KCNJ6: variants seen among roughly 807,000 people sequenced by gnomAD.
KCNJ6 encodes potassium inwardly rectifying channel subfamily J member 6.
In KCNJ6, 9 loss-of-function variants were observed where a neutral mutation model predicts 34.2. That is an observed-to-expected ratio of 0.26 (90% CI 0.16 to 0.46). KCNJ6 has a LOEUF of 0.46. Among genes scored for constraint, KCNJ6 ranks in the 20% least tolerant of loss-of-function variants. KCNJ6 has a pLI of 1.00. For missense variants in KCNJ6, 236 were observed against 531.3 expected (o/e 0.44, Z 5.46); for synonymous variants, 196 against 207.1 (o/e 0.95, Z 0.46).
intron 1 of KCNJ6, among the ~76,000 whole-genome samples, chr21:37,845,714 GC>G (rs1009894726): frequency 1.3e-4 from 20 of 152,312 alleles, no homozygotes; most frequent in Middle Eastern, 6.8e-3. Flanking sequence ...TTGACCTCTA[GC>G]ATTTGTGCCA....
At chr21:37,893,019 ATTT>A (rs1340384030) in intron 1 of KCNJ6, among the ~76,000 whole-genome samples, 2 of 149,584 alleles carry the variant, frequency 1.3e-5, no homozygotes, top group African/African-American at 4.9e-5. Flanking sequence ...AGGCCAGCTA[ATTT>A]TTTTTGTATT....
At chr21:37,741,535 G>T (rs1260480738) in intron 2 of KCNJ6, among the ~76,000 whole-genome samples, 1 of 152,174 alleles carries the variant, frequency 6.6e-6, no homozygotes, top group African/African-American at 2.4e-5. Context: ...ACTCAGGGTT[G>T]TGATGGCTCT....
intron 3 of KCNJ6, among the ~76,000 whole-genome samples, chr21:37,625,858 T>C (rs2054308473): frequency 6.6e-6 from 1 of 152,250 alleles, no homozygotes; most frequent in East Asian, 1.9e-4. Flanking sequence ...CCTACTGCTC[T>C]TGGAGGTTTA....
chr21:37,739,209 A>C (rs2123474623), intron 2 of KCNJ6, among the ~76,000 whole-genome samples: 1 of 152,356 alleles, frequency 6.6e-6, no homozygotes, highest in East Asian at 1.9e-4. Flanking sequence ...GTGAAATAAA[A>C]TATATCATTA....
At chr21:37,904,702 A>C (rs901691659) in intron 1 of KCNJ6, among the ~76,000 whole-genome samples, 6 of 152,166 alleles carry the variant, frequency 3.9e-5, no homozygotes, top group African/African-American at 1.4e-4. Context: ...GTTTTACTTC[A>C]TGGGCAGAGA....
intron 2 of KCNJ6, among the ~76,000 whole-genome samples, chr21:37,726,313 A>T (rs1307876671): frequency 6.6e-6 from 1 of 151,996 alleles, no homozygotes; most frequent in East Asian, 1.9e-4. Flanking sequence ...AATATGGTAG[A>T]TGTTATTGTT....
intron 1 of KCNJ6, among the ~76,000 whole-genome samples, chr21:37,906,786 G>A (rs184188946): frequency 5.9e-5 from 9 of 152,308 alleles, no homozygotes; most frequent in Admixed American, 3.3e-4. Context: ...CTCTTCCAAT[G>A]ACAACACATA....
At chr21:37,646,459 C>CT (rs1250257252) in intron 3 of KCNJ6, among the ~76,000 whole-genome samples, 1 of 152,128 alleles carries the variant, frequency 6.6e-6, no homozygotes, top group African/African-American at 2.4e-5. Flanking sequence ...TTGGCTCAGG[C>CT]TTTTAAAGAC....
intron 1 of KCNJ6, among the ~76,000 whole-genome samples, chr21:37,855,990 G>T (rs949874654): frequency 6.6e-6 from 1 of 152,168 alleles, no homozygotes; most frequent in Non-Finnish European, 1.5e-5. Context: ...GGGGAGAGGG[G>T]GTGGAAGCAG....
intron 2 of KCNJ6, among the ~76,000 whole-genome samples, chr21:37,736,060 C>T: frequency 6.6e-6 from 1 of 152,138 alleles, no homozygotes; most frequent in Non-Finnish European, 1.5e-5. Flanking sequence ...AAAGTGCAGC[C>T]TAGGGGCTTG....
chr21:37,833,876 A>G (rs1192451628), intron 2 of KCNJ6, among the ~76,000 whole-genome samples: 1 of 152,212 alleles, frequency 6.6e-6, no homozygotes, highest in African/African-American at 2.4e-5. Context: ...TAAACTCAAT[A>G]TATTTGCATT....
chr21:37,816,412 G>A (rs1017335175), intron 2 of KCNJ6, among the ~76,000 whole-genome samples: 2 of 152,234 alleles, frequency 1.3e-5, no homozygotes, highest in African/African-American at 4.8e-5. Context: ...GTTCATGTCT[G>A]TGTTGCAGTT....
chr21:37,789,100 G>T (rs556079660), intron 2 of KCNJ6, among the ~76,000 whole-genome samples: 2 of 152,176 alleles, frequency 1.3e-5, no homozygotes, highest in Admixed American at 6.5e-5. Flanking sequence ...TGGAATGTAA[G>T]TGGAAGTTGG....
intron 2 of KCNJ6, among the ~76,000 whole-genome samples, chr21:37,735,750 G>GCAGC (rs1202642269): frequency 6.6e-6 from 1 of 152,200 alleles, no homozygotes; most frequent in Non-Finnish European, 1.5e-5. Context: ...GAGGCCTGGA[G>GCAGC]CAGCCACTTG....
At chr21:37,673,429 C>T (rs887872258) in intron 3 of KCNJ6, among the ~76,000 whole-genome samples, 1 of 152,252 alleles carries the variant, frequency 6.6e-6, no homozygotes, top group African/African-American at 2.4e-5. Flanking sequence ...CCTTGGAGCT[C>T]ATCCATCCTC....
intron 3 of KCNJ6, among the ~76,000 whole-genome samples, chr21:37,663,808 A>G (rs1297954614): frequency 6.6e-6 from 1 of 152,222 alleles, no homozygotes; most frequent in Non-Finnish European, 1.5e-5. Flanking sequence ...TGAAAAATTA[A>G]ATTAATAGAC....
At chr21:37,703,942 T>C (rs898660331) in intron 3 of KCNJ6, among the ~76,000 whole-genome samples, 12 of 152,250 alleles carry the variant, frequency 7.9e-5, no homozygotes, top group African/African-American at 2.9e-4. Context: ...TGTGACTCCA[T>C]GCAGCTGTAT....
At chr21:37,809,728 T>C (rs2055312988) in intron 2 of KCNJ6, among the ~76,000 whole-genome samples, 1 of 152,202 alleles carries the variant, frequency 6.6e-6, no homozygotes, top group African/African-American at 2.4e-5. Context: ...TACTGGTATC[T>C]CAGCCTCCCT....
At chr21:37,866,431 G>A (rs946500445) in intron 1 of KCNJ6, among the ~76,000 whole-genome samples, 5 of 152,200 alleles carry the variant, frequency 3.3e-5, no homozygotes, top group African/African-American at 1.2e-4. Flanking sequence ...TGGATGGAAG[G>A]AGGAAATTGG....
Sources: allele counts gnomAD v4.1 joint callset (sites outside exome capture counted in the v4.1 genomes callset), GRCh38; gene constraint gnomAD v4.1.1; transcripts MANE v1.5; gene names NCBI Gene and HGNC (gene_info 2026-07-23, HGNC 2026-07-21).